The following ATP11B variants were observed in gnomAD, a reference collection of about 807,000 sequenced individuals.
ATP11B encodes ATPase phospholipid transporting 11B (putative), also known as phospholipid-transporting ATPase IF.
In ATP11B, 81 loss-of-function variants were observed where a neutral mutation model predicts 157.8. That is an observed-to-expected ratio of 0.51 (90% CI 0.43 to 0.62). The LOEUF (loss-of-function observed/expected upper bound fraction) is 0.62, where lower values mean the gene tolerates loss of function less well. Among genes scored for constraint, ATP11B ranks in the 20% least tolerant of loss-of-function variants. The pLI is 0.00. For missense variants in ATP11B, 1,165 were observed against 1,402.2 expected (o/e 0.83, Z 2.70); for synonymous variants, 451 against 469.4 (o/e 0.96, Z 0.51).
chr3:182,820,863 A>G (rs1289356180), intron 2 of ATP11B, among the ~76,000 whole-genome samples: 1 of 152,188 alleles, frequency 6.6e-6, no homozygotes, highest in Non-Finnish European at 1.5e-5. Context: ...ATGCCAAAAA[A>G]TTATCTTTAG....
chr3:182,884,132 G>A (rs1722638349), intron 21 of ATP11B, among the ~76,000 whole-genome samples: 1 of 151,578 alleles, frequency 6.6e-6, no homozygotes, highest in Non-Finnish European at 1.5e-5. Flanking sequence ...ATAAAAACTT[G>A]GCAATGACTC....
intron 1 of ATP11B, among the ~76,000 whole-genome samples, chr3:182,803,599 C>T (rs932380100): frequency 5.8e-4 from 89 of 152,146 alleles, no homozygotes; most frequent in African/African-American, 2.0e-3. Flanking sequence ...GTTTTTCCAG[C>T]GTTTTCTTCA....
chr3:182,865,507 C>A lies in ATP11B; in HGVS notation c.1252C>A (p.Gln418Lys), dbSNP rs760154153. The A allele has an allele frequency of 2.5e-6, 4 of 1,613,448 alleles. No individual in the cohort carries two copies. Among genetic ancestry groups the A allele is most frequent in the South Asian group, 1.1e-5 (1 of 91,064 alleles). The part of the protein sequence containing the change: ...KTGTLTENEM[Q>K]FRECSINGMK... ...TGGTACACTGACAGAAAATGAGATG[C>A]AGTTTCGGGAATGTTCAATTAATGG... Residue 418 changes from glutamine (Q) to lysine (K), a missense_variant, in exon 13 of 30, where the codon CAG becomes AAG. By Grantham distance (53) the Gln-to-Lys change is moderately conservative. Coordinates refer to ENST00000323116, the MANE Select transcript of ATP11B (RefSeq NM_014616.3).
intron 10 of ATP11B, among the ~76,000 whole-genome samples, chr3:182,850,412 G>T (rs1719882686): frequency 6.6e-6 from 1 of 152,082 alleles, no homozygotes; most frequent in Non-Finnish European, 1.5e-5. Flanking sequence ...GGCAGAGGTT[G>T]CAGTGAGCTG....
At chr3:182,837,605 A>G (rs935077170) in intron 7 of ATP11B, among the ~76,000 whole-genome samples, 1 of 152,104 alleles carries the variant, frequency 6.6e-6, no homozygotes, top group Non-Finnish European at 1.5e-5. Flanking sequence ...ATAACCTTAT[A>G]AAGTTTTCAA....
intron 23 of ATP11B, among the ~76,000 whole-genome samples, chr3:182,886,459 A>G (rs1014404698): frequency 6.6e-6 from 1 of 152,110 alleles, no homozygotes; most frequent in African/African-American, 2.4e-5. Flanking sequence ...TAAATAATTG[A>G]TGGGGCACCT....
At chr3:182,912,067 C>T (rs7617221) in intron 28 of ATP11B, among the ~76,000 whole-genome samples, 1 of 151,378 alleles carries the variant, frequency 6.6e-6, no homozygotes. Context: ...AGGCTTCATG[C>T]GGTGTGGGGC....
At chr3:182,835,908 TC>T in intron 4 of ATP11B, 126 bp from the exon 5 acceptor site, 1 of 631,586 alleles carries the variant, frequency 1.6e-6, no homozygotes, top group Non-Finnish European at 2.7e-6. Context: ...AGCATGTGCA[TC>T]CAAATAGCCT....
At position 182,920,399 on chromosome 3, in the gene ATP11B, A is replaced by G. The variant is rs1364057216; in HGVS notation, c.*2295A>G. Reference sequence around the variant, plus strand: ...TATTTATTTAAGAAAGTAACAATGCAGTCTGCAAGCTTTCAGTAGTTTTCT... The same window carrying G: ...TATTTATTTAAGAAAGTAACAATGCGGTCTGCAAGCTTTCAGTAGTTTTCT... On this transcript the variant is annotated 3_prime_UTR_variant, in exon 30 of 30. Transcript: ENST00000323116. The G allele has an allele frequency of 1.3e-5, 2 of 152,230 alleles. No homozygotes were observed. Among genetic ancestry groups the G allele is most frequent in the African/African-American group, 4.8e-5 (2 of 41,456 alleles). 9.4% of individuals were successfully genotyped at this position (152,230 alleles called of 1,614,324 possible). A position where few individuals can be genotyped will look rare whatever the true frequency, so the allele number is the denominator to read the frequency against.
chr3:182,827,385 G>A (rs1717795949), intron 2 of ATP11B, among the ~76,000 whole-genome samples: 2 of 152,122 alleles, frequency 1.3e-5, no homozygotes, highest in African/African-American at 4.8e-5. Flanking sequence ...AACCCTATAA[G>A]ATATGATTAA....
At chr3:182,806,205 CATTT>C (rs1483028363) in intron 1 of ATP11B, among the ~76,000 whole-genome samples, 2 of 152,114 alleles carry the variant, frequency 1.3e-5, no homozygotes, top group African/African-American at 4.8e-5. Flanking sequence ...TACTTTCTGA[CATTT>C]ATTATTGCTG....
Position 182,896,728 on chromosome 3 carries a change from T to G in ATP11B, c.3011T>G (p.Leu1004Trp). The G allele has an allele frequency of 6.2e-7, 1 of 1,613,280 alleles. No homozygotes were observed. Among genetic ancestry groups the G allele is most frequent in the South Asian group, 1.1e-5 (1 of 91,046 alleles). Residue 1004 changes from leucine to tryptophan, a missense_variant, in exon 26 of 30, where the codon TTG becomes TGG. By Grantham distance (61) the Leu-to-Trp change is moderately conservative. Around this residue, in one of 4 missense-constraint regions of ATP11B, gnomAD observed 303 missense variants for 296.3 expected, o/e 1.02. Coordinates refer to ENST00000323116, the MANE Select transcript of ATP11B (RefSeq NM_014616.3). ...QMFGNWTFGT[L>W]VFTVMVITVT... is the part of the protein sequence containing the mutation. Reference sequence around the variant, plus strand: ...TTTGGAAACTGGACATTTGGCACTTTGGTCTTCACAGTCATGGTTATTACA... The same window carrying G: ...TTTGGAAACTGGACATTTGGCACTTGGGTCTTCACAGTCATGGTTATTACA...
At chr3:182,813,902 A>G (rs1369533578) in intron 1 of ATP11B, among the ~76,000 whole-genome samples, 1 of 151,210 alleles carries the variant, frequency 6.6e-6, no homozygotes, top group Non-Finnish European at 1.5e-5. Context: ...TAATTTTTCT[A>G]TTTTTGTAGA....
At chr3:182,839,663 G>T (rs570123131) in intron 7 of ATP11B, among the ~76,000 whole-genome samples, 12 of 146,374 alleles carry the variant, frequency 8.2e-5, no homozygotes, top group African/African-American at 2.6e-4. Context: ...AGGCTGGAGT[G>T]CAGTGACGCG....
At chr3:182,849,495 T>C (rs1248618607) in intron 10 of ATP11B, among the ~76,000 whole-genome samples, 1 of 152,358 alleles carries the variant, frequency 6.6e-6, no homozygotes, top group Non-Finnish European at 1.5e-5. Flanking sequence ...ACGAGAACTT[T>C]AAAGCAGATA....
chr3:182,852,988 A>G (rs1577023714), intron 10 of ATP11B, among the ~76,000 whole-genome samples: 2 of 152,230 alleles, frequency 1.3e-5, no homozygotes, highest in Admixed American at 1.3e-4. Context: ...AAGGACTTGT[A>G]CCTAGACTAT....
At chr3:182,845,404 T>C in intron 8 of ATP11B, 54 bp from the exon 9 acceptor site, 5 of 1,440,472 alleles carry the variant, frequency 3.5e-6, no homozygotes, top group Non-Finnish European at 4.7e-6. Flanking sequence ...CATTTCAGAA[T>C]TGAAGAGTTT....
intron 7 of ATP11B, among the ~76,000 whole-genome samples, chr3:182,840,710 TA>T (rs1158593137): frequency 2.0e-5 from 3 of 152,086 alleles, no homozygotes; most frequent in African/African-American, 7.2e-5. Context: ...TTCACCTCCT[TA>T]CTCACATCTC....
chr3:182,867,579 CTTT>C (rs386398716), intron 15 of ATP11B, 135 bp downstream of exon 15: 718 of 152,360 alleles, frequency 4.7e-3, no homozygotes, highest in Middle Eastern at 9.8e-3. Context: ...AGTCACATTA[CTTT>C]TTTTTTTTTT....
Sources: gnomAD v4.1 joint callset for allele counts (sites outside exome capture counted in the v4.1 genomes callset) on GRCh38, gnomAD v4.1.1 for gene constraint, gnomAD v4.1.1 regional missense constraint, MANE v1.5 for transcripts, NCBI Gene and HGNC (gene_info 2026-07-23, HGNC 2026-07-21) for gene names.